The following ZSWIM6 variants were observed in gnomAD, a reference collection of about 807,000 sequenced individuals.
The protein encoded by ZSWIM6 is zinc finger SWIM domain-containing protein 6.
In ZSWIM6, 9 loss-of-function variants were observed where a neutral mutation model predicts 113.2. That is an observed-to-expected ratio of 0.08 (90% CI 0.05 to 0.14). ZSWIM6 has a LOEUF of 0.14. ZSWIM6 is among the 10% of genes least tolerant of loss of function. The pLI is 1.00. For synonymous variants in ZSWIM6, 611 were observed against 606.5 expected (o/e 1.01, Z -0.11); for missense variants, 1,162 against 1,552.2 (o/e 0.75, Z 4.22).
At chr5:61,398,738 A>C (rs1745887383) in intron 1 of ZSWIM6, among the ~76,000 whole-genome samples, 1 of 152,168 alleles carries the variant, frequency 6.6e-6, no homozygotes, top group African/African-American at 2.4e-5. Flanking sequence ...TTAGGATTAA[A>C]GTAAACATTG....
chr5:61,417,303 T>C (rs1746278226), intron 1 of ZSWIM6, among the ~76,000 whole-genome samples: 1 of 152,224 alleles, frequency 6.6e-6, no homozygotes, highest in Non-Finnish European at 1.5e-5. Flanking sequence ...ATATATTATC[T>C]ACATTAAACA....
At chr5:61,387,071 T>C (rs1027045884) in intron 1 of ZSWIM6, among the ~76,000 whole-genome samples, 1 of 152,076 alleles carries the variant, frequency 6.6e-6, no homozygotes, top group African/African-American at 2.4e-5. Flanking sequence ...TTCTGATTAT[T>C]GAGAGTTTAC....
chr5:61,533,671 G>A (rs1251120085), intron 9 of ZSWIM6, among the ~76,000 whole-genome samples: 1 of 152,156 alleles, frequency 6.6e-6, no homozygotes, highest in Non-Finnish European at 1.5e-5. Context: ...GTAATTTGGT[G>A]GTTTAAGGGG....
At chr5:61,413,230 T>C (rs967081602) in intron 1 of ZSWIM6, among the ~76,000 whole-genome samples, 1 of 141,710 alleles carries the variant, frequency 7.1e-6, no homozygotes, top group African/African-American at 2.6e-5. Flanking sequence ...TGTCCATGTG[T>C]TCTCATTGTT....
At chr5:61,429,074 C>A (rs760039547) in intron 1 of ZSWIM6, among the ~76,000 whole-genome samples, 1 of 152,162 alleles carries the variant, frequency 6.6e-6, no homozygotes, top group African/African-American at 2.4e-5. Context: ...ATGTAAATGG[C>A]AGGGAAACCT....
chr5:61,488,242 TA>T (rs1472240869), intron 2 of ZSWIM6, among the ~76,000 whole-genome samples: 1 of 152,076 alleles, frequency 6.6e-6, no homozygotes, highest in East Asian at 1.9e-4. Context: ...CTTTCTGACA[TA>T]CTGTTGGATT....
At chr5:61,457,047 C>T (rs2112164103) in intron 1 of ZSWIM6, among the ~76,000 whole-genome samples, 1 of 151,722 alleles carries the variant, frequency 6.6e-6, no homozygotes. Context: ...CAATGCTATC[C>T]CTCCCCCATC....
At chr5:61,423,268 C>A (rs1448571721) in intron 1 of ZSWIM6, among the ~76,000 whole-genome samples, 2 of 152,012 alleles carry the variant, frequency 1.3e-5, no homozygotes, top group Admixed American at 6.6e-5. Context: ...ATTAGCAGGA[C>A]ATGGTGGCGG....
Position 61,350,125 on chromosome 5 carries a change from C to T in ZSWIM6, c.676+17177C>T, listed in dbSNP as rs556162202. On this transcript the variant is annotated intron_variant, in intron 1 of 13. Coordinates refer to ENST00000252744, the MANE Select transcript of ZSWIM6 (RefSeq NM_020928.2). ...ATAGGGCTGTACTCTCAGTGCTTGGCCCCTGAGAGGGCTGGGTTATCCAGA... is the reference window on the plus strand; with the variant it reads ...ATAGGGCTGTACTCTCAGTGCTTGGTCCCTGAGAGGGCTGGGTTATCCAGA... 2.9e-3 allele frequency among the ~76,000 whole-genome samples: 446 copies of T among 152,296 alleles called. 13 individuals are homozygous for T. The highest frequency in any genetic ancestry group is 7.4e-4 in the Non-Finnish European group (50 of 68,018).
intron 1 of ZSWIM6, among the ~76,000 whole-genome samples, chr5:61,392,756 G>A (rs1745750109): frequency 6.6e-6 from 1 of 151,928 alleles, no homozygotes; most frequent in Non-Finnish European, 1.5e-5. Flanking sequence ...GGGATTACAG[G>A]CATCCGTCAC....
rs79146029 is a variant in ZSWIM6, at chr5:61,504,444, A to G, written c.1333+10034A>G. Among the ~76,000 whole-genome samples, 368 of 152,340 alleles carry G rather than the reference A, an allele frequency of 2.4e-3. 2 individuals carry two copies. Among genetic ancestry groups the G allele is most frequent in the African/African-American group, 6.5e-3 (270 of 41,586 alleles). On this transcript the variant is annotated intron_variant, in intron 4 of 13. Coordinates refer to ENST00000252744, the MANE Select transcript of ZSWIM6 (RefSeq NM_020928.2). ...AGACCAATACATCAAAGTTTAATTC[A>G]CTAATAGAATGAATTAGAGCAAAAT...
chr5:61,402,194 T>TTG (rs1745952178), intron 1 of ZSWIM6, among the ~76,000 whole-genome samples: 1 of 152,190 alleles, frequency 6.6e-6, no homozygotes, highest in Non-Finnish European at 1.5e-5. Flanking sequence ...TAGTGTAAAG[T>TTG]ATCAAGCAGC....
At position 61,543,539 on chromosome 5, in the gene ZSWIM6, T is replaced by C. The variant is rs1013434460; in HGVS notation, c.2870T>C (p.Val957Ala). 1.9e-6 allele frequency: 3 copies of C among 1,551,404 alleles called. No homozygotes were observed. The highest frequency in any genetic ancestry group is 2.6e-6 in the Non-Finnish European group (3 of 1,146,966). The change falls in exon 14 of 14, where the codon GTG becomes GCG. Residue 957 changes from valine to alanine, a missense_variant. Coordinates refer to ENST00000252744, the MANE Select transcript of ZSWIM6 (RefSeq NM_020928.2). The surrounding 1 kb of genome is among the most constrained non-coding windows in gnomAD (Gnocchi z 4.3). Reference protein sequence around the residue: ...TEATSIVATTVMSNSTIVRLH... With the variant: ...TEATSIVATTAMSNSTIVRLH... ...GCCACAAGTATAGTTGCAACTACCG[T>C]GATGTCCAACAGCACCATCGTCCGC...
intron 1 of ZSWIM6, among the ~76,000 whole-genome samples, chr5:61,457,082 A>T (rs1014570206): frequency 6.7e-6 from 1 of 150,290 alleles, no homozygotes; most frequent in African/African-American, 2.5e-5. Context: ...CAGTCCCCAG[A>T]GTGTGATATT....
At chr5:61,462,590 C>T (rs1580008354) in intron 1 of ZSWIM6, among the ~76,000 whole-genome samples, 1 of 152,318 alleles carries the variant, frequency 6.6e-6, no homozygotes, top group East Asian at 1.9e-4. Flanking sequence ...CCAGCATGCT[C>T]CTGGGAGCTT....
chr5:61,443,604 G>T (rs1463681361), intron 1 of ZSWIM6, among the ~76,000 whole-genome samples: 1 of 152,124 alleles, frequency 6.6e-6, no homozygotes, highest in Non-Finnish European at 1.5e-5. Context: ...GTTTACACTT[G>T]ATATCACAAA....
chr5:61,402,701 A>AGGTT, intron 1 of ZSWIM6, among the ~76,000 whole-genome samples: 1 of 152,228 alleles, frequency 6.6e-6, no homozygotes, highest in African/African-American at 2.4e-5. Flanking sequence ...TGCACCTTAA[A>AGGTT]GGTTAAGTAT....
At chr5:61,499,943 A>T (rs1748418111) in intron 4 of ZSWIM6, among the ~76,000 whole-genome samples, 2 of 152,108 alleles carry the variant, frequency 1.3e-5, no homozygotes, top group Non-Finnish European at 1.5e-5. Flanking sequence ...AATCCTGTGA[A>T]ATAGGTCCAA....
At chr5:61,501,657 T>C (rs1487011588) in intron 4 of ZSWIM6, among the ~76,000 whole-genome samples, 2 of 152,218 alleles carry the variant, frequency 1.3e-5, no homozygotes, top group African/African-American at 4.8e-5. Context: ...CATGGAGATT[T>C]GGTGAGGAAT....
Sources: gnomAD v4.1 joint callset for allele counts (sites outside exome capture counted in the v4.1 genomes callset) on GRCh38, gnomAD v4.1.1 for gene constraint, Gnocchi (gnomAD v3.1) non-coding constraint, MANE v1.5 for transcripts, NCBI Gene and HGNC (gene_info 2026-07-23, HGNC 2026-07-21) for gene names.